Variants in DCLK2 observed in about 807,000 individuals in gnomAD.
The protein encoded by DCLK2 is serine/threonine-protein kinase DCLK2.
A neutral mutation model predicts 78.4 loss-of-function variants in DCLK2; 31 were observed. The observed-to-expected ratio is 0.40, with a 90% CI of 0.30 to 0.53. The LOEUF is 0.53. DCLK2 is among the 20% of genes least tolerant of loss of function. The pLI, the probability that DCLK2 is intolerant of heterozygous loss-of-function variation, is 0.61. For synonymous variants in DCLK2, 407 were observed against 374.9 expected (o/e 1.09, Z -0.99); for missense variants, 872 against 973.7 (o/e 0.90, Z 1.39).
intron 2 of DCLK2, among the ~76,000 whole-genome samples, chr4:150,166,158 G>T (rs1736055813): frequency 6.6e-6 from 1 of 152,032 alleles, no homozygotes; most frequent in Non-Finnish European, 1.5e-5. Flanking sequence ...ATTTAATGGA[G>T]GTAATTTAGA....
At chr4:150,128,919 A>G (rs1358674992) in intron 2 of DCLK2, among the ~76,000 whole-genome samples, 1 of 152,158 alleles carries the variant, frequency 6.6e-6, no homozygotes, top group East Asian at 1.9e-4. Context: ...GCTTTTTGTT[A>G]TCAAACTATT....
intron 14 of DCLK2, among the ~76,000 whole-genome samples, chr4:150,248,826 C>G (rs917849509): frequency 6.6e-6 from 1 of 152,096 alleles, no homozygotes; most frequent in Non-Finnish European, 1.5e-5. Context: ...GAGACAGGAT[C>G]GCTTCAGAGC....
intron 2 of DCLK2, among the ~76,000 whole-genome samples, chr4:150,144,333 T>C (rs1223057846): frequency 6.6e-6 from 1 of 152,218 alleles, no homozygotes; most frequent in African/African-American, 2.4e-5. Flanking sequence ...ATTCATTGAA[T>C]AGGGTGTCCT....
intron 2 of DCLK2, among the ~76,000 whole-genome samples, chr4:150,117,488 G>A (rs952599751): frequency 6.6e-6 from 1 of 152,128 alleles, no homozygotes; most frequent in Non-Finnish European, 1.5e-5. Context: ...TCACCCCTTG[G>A]TTCTGGCCAA....
At chr4:150,079,483 G>C in intron 1 of DCLK2, 35 bp downstream of exon 1, 1 of 1,444,730 alleles carries the variant, frequency 6.9e-7, no homozygotes, top group South Asian at 1.5e-5. Context: ...CAGGTGCGGC[G>C]GAGCGCCGGC....
chr4:150,188,184 A>T (rs1210892367), intron 2 of DCLK2, among the ~76,000 whole-genome samples: 1 of 152,170 alleles, frequency 6.6e-6, no homozygotes, highest in Non-Finnish European at 1.5e-5. Context: ...ACCTAGTTGA[A>T]AAATTGTGCC....
intron 2 of DCLK2, among the ~76,000 whole-genome samples, chr4:150,175,082 TTATA>T (rs66831942): frequency 0.56 from 10,277 of 18,442 alleles, 2,541 homozygotes; most frequent in East Asian, 0.74. Flanking sequence ...ATTTATATAT[TTATA>T]TATATATTTA....
chr4:150,178,697 G>T (rs1289127741), intron 2 of DCLK2, among the ~76,000 whole-genome samples: 1 of 152,098 alleles, frequency 6.6e-6, no homozygotes, highest in Admixed American at 6.5e-5. Context: ...TCACCTTGCC[G>T]GACCACAACT....
chr4:150,095,572 C>G (rs1034946210), intron 1 of DCLK2, among the ~76,000 whole-genome samples: 6 of 152,170 alleles, frequency 3.9e-5, no homozygotes, highest in Non-Finnish European at 7.3e-5. Context: ...GAGCAATGCT[C>G]CTATGAACAT....
intron 2 of DCLK2, among the ~76,000 whole-genome samples, chr4:150,155,161 G>C (rs1735178759): frequency 6.6e-6 from 1 of 152,178 alleles, no homozygotes; most frequent in Admixed American, 6.6e-5. Flanking sequence ...GAGCCCAGAG[G>C]CAAAGCTTGC....
At chr4:150,225,118 G>A (rs1295433291) in intron 8 of DCLK2, among the ~76,000 whole-genome samples, 1 of 152,214 alleles carries the variant, frequency 6.6e-6, no homozygotes, top group Non-Finnish European at 1.5e-5. Flanking sequence ...TTAGGAGGAG[G>A]TGCTAGCAAT....
chr4:150,114,362 G>C lies in DCLK2; in HGVS notation c.756+11550G>C, dbSNP rs1731918019. The stretch of plus-strand genomic sequence containing the variant: ...TGGAGTGTTGCGTTCTCCCACTGTT[G>C]TTGTGTTGCTGTCTATCTCTTTTCT... On this transcript the variant is annotated intron_variant, in intron 2 of 15. Transcript: ENST00000296550. Among the ~76,000 whole-genome samples, 3 of 152,126 alleles carry C rather than the reference G, an allele frequency of 2.0e-5. No homozygotes were observed. The East Asian group carries it at 5.8e-4, about 29-fold the overall frequency.
intron 12 of DCLK2, among the ~76,000 whole-genome samples, chr4:150,244,213 G>A (rs1012324170): frequency 1.3e-5 from 2 of 152,206 alleles, no homozygotes; most frequent in Non-Finnish European, 2.9e-5. Context: ...GAGATTATAG[G>A]TGTGAGCCAC....
At chr4:150,176,398 C>G (rs1580655087) in intron 2 of DCLK2, among the ~76,000 whole-genome samples, 3 of 152,162 alleles carry the variant, frequency 2.0e-5, no homozygotes, top group Non-Finnish European at 4.4e-5. Flanking sequence ...CTTTCCTGAG[C>G]TGCTGCAAGC....
intron 2 of DCLK2, among the ~76,000 whole-genome samples, chr4:150,107,640 T>G (rs976648584): frequency 6.6e-6 from 1 of 152,164 alleles, no homozygotes; most frequent in Non-Finnish European, 1.5e-5. Flanking sequence ...CCTCTGAAAG[T>G]ACTGGGACAA....
intron 2 of DCLK2, among the ~76,000 whole-genome samples, chr4:150,111,791 T>C (rs1731713359): frequency 1.3e-5 from 2 of 152,124 alleles, no homozygotes; most frequent in South Asian, 4.1e-4. Context: ...AGTATTTTAA[T>C]TTATCTCTAG....
intron 2 of DCLK2, among the ~76,000 whole-genome samples, chr4:150,120,658 G>A (rs1386612652): frequency 6.6e-6 from 1 of 152,134 alleles, no homozygotes; most frequent in African/African-American, 2.4e-5. Context: ...TTGTAATAAA[G>A]TACATCACAC....
At position 150,102,589 on chromosome 4, in the gene DCLK2, C is replaced by T. The variant is rs762713560; in HGVS notation, c.533C>T (p.Ala178Val). The change falls in exon 2 of 16, where the codon GCT becomes GTT. Residue 178 changes from alanine to valine, a missense_variant. Ala to Val is a moderately conservative substitution (Grantham distance 64). Transcript: ENST00000296550. ...NIKGGTSRALAAASSVKSEVK... is the reference protein window; with the variant it reads ...NIKGGTSRALVAASSVKSEVK... ...AAGGGTGGGACATCCCGAGCGCTGG[C>T]TGCTGCCTCCTCTGTGAAAAGTGAA... The T allele has an allele frequency of 6.2e-7, 1 of 1,614,190 alleles. No individual in the cohort carries two copies. Among genetic ancestry groups the T allele is most frequent in the Non-Finnish European group, 8.5e-7 (1 of 1,180,030 alleles).
chr4:150,197,037 C>T (rs889894427), intron 3 of DCLK2, among the ~76,000 whole-genome samples: 4 of 151,842 alleles, frequency 2.6e-5, no homozygotes, highest in Non-Finnish European at 4.4e-5. Flanking sequence ...CGCCTGTAGT[C>T]CACTCAGGCC....
Sources: allele counts gnomAD v4.1 joint callset (sites outside exome capture counted in the v4.1 genomes callset), GRCh38; gene constraint gnomAD v4.1.1; transcripts MANE v1.5; gene names NCBI Gene and HGNC (gene_info 2026-07-23, HGNC 2026-07-21).